Variants in SDK1 observed in about 807,000 individuals in gnomAD.
The protein encoded by SDK1 is protein sidekick-1.
SDK1 carries 157 observed loss-of-function variants against 245.5 expected under a neutral mutation model. The ratio of observed to expected loss-of-function variants is 0.64; its 90% CI spans 0.56 to 0.73. SDK1 has a LOEUF of 0.73. Among genes scored for constraint, SDK1 ranks in the 30% least tolerant of loss-of-function variants. SDK1 has a pLI of 0.00. For synonymous variants in SDK1, 1,647 were observed against 1,278.5 expected (o/e 1.29, Z -6.15); for missense variants, 3,583 against 3,002.3 (o/e 1.19, Z -4.52).
Position 4,131,269 on chromosome 7 carries a change from G to T in SDK1, c.4130-1056G>T, listed in dbSNP as rs140693741. 2.2e-3 allele frequency among the ~76,000 whole-genome samples: 337 copies of T among 152,288 alleles called. 3 individuals are homozygous for T. Among genetic ancestry groups the T allele is most frequent in the African/African-American group, 7.8e-3 (325 of 41,556 alleles). On this transcript the variant is annotated intron_variant, in intron 27 of 44. Transcript: ENST00000404826. ...ATGCCGCTGCTTCCTCTCCCACAGCGCTCCTGTAGACATGCCTTCCTCCTC... is the reference window on the plus strand; with the variant it reads ...ATGCCGCTGCTTCCTCTCCCACAGCTCTCCTGTAGACATGCCTTCCTCCTC...
At chr7:3,491,325 C>T (rs1583941535) in intron 1 of SDK1, among the ~76,000 whole-genome samples, 1 of 152,166 alleles carries the variant, frequency 6.6e-6, no homozygotes, top group African/African-American at 2.4e-5. Context: ...TCTTCTCCAA[C>T]CATTTACATC....
chr7:4,071,421 C>T (rs1192028178), intron 20 of SDK1, among the ~76,000 whole-genome samples: 1 of 152,144 alleles, frequency 6.6e-6, no homozygotes, highest in Non-Finnish European at 1.5e-5. Context: ...GTGAAAACTC[C>T]AGGAATGGGG....
chr7:3,768,167 C>T (rs1230793145), intron 4 of SDK1, among the ~76,000 whole-genome samples: 1 of 152,192 alleles, frequency 6.6e-6, no homozygotes, highest in Non-Finnish European at 1.5e-5. Flanking sequence ...AACCAGCTTT[C>T]TAATTGCATT....
chr7:3,316,338 G>A (rs887660784), intron 1 of SDK1, among the ~76,000 whole-genome samples: 1 of 152,110 alleles, frequency 6.6e-6, no homozygotes, highest in Non-Finnish European at 1.5e-5. Context: ...GTTGGCTCCT[G>A]TGTTCAGTAC....
At chr7:4,035,826 C>A (rs543465713) in intron 17 of SDK1, among the ~76,000 whole-genome samples, 1 of 152,194 alleles carries the variant, frequency 6.6e-6, no homozygotes, top group East Asian at 1.9e-4. Flanking sequence ...ATCAACATGG[C>A]CTTGTCAAAA....
intron 1 of SDK1, among the ~76,000 whole-genome samples, chr7:3,322,548 A>G (rs1779843559): frequency 6.6e-6 from 1 of 152,182 alleles, no homozygotes; most frequent in South Asian, 2.1e-4. Context: ...TCAAGGAACC[A>G]CCAAACTCTC....
intron 5 of SDK1, among the ~76,000 whole-genome samples, chr7:3,949,121 G>A (rs1158489541): frequency 1.3e-5 from 2 of 152,164 alleles, no homozygotes; most frequent in Non-Finnish European, 2.9e-5. Context: ...CAAAGCGAAG[G>A]CGTCAGCAGG....
At chr7:3,349,874 T>A (rs1780611508) in intron 1 of SDK1, among the ~76,000 whole-genome samples, 1 of 152,150 alleles carries the variant, frequency 6.6e-6, no homozygotes, top group African/African-American at 2.4e-5. Flanking sequence ...AGTGCTGGGA[T>A]TACAGGCATG....
intron 5 of SDK1, among the ~76,000 whole-genome samples, chr7:3,936,377 C>T (rs1057018308): frequency 4.2e-4 from 63 of 151,790 alleles, no homozygotes; most frequent in African/African-American, 1.4e-3. Context: ...GTCAGGAGAT[C>T]GAGAACATCC....
intron 1 of SDK1, among the ~76,000 whole-genome samples, chr7:3,398,424 T>G (rs974490692): frequency 6.6e-6 from 1 of 152,000 alleles, no homozygotes; most frequent in Non-Finnish European, 1.5e-5. Flanking sequence ...AGCATTTTTT[T>G]TTCTCCTCTT....
At chr7:3,503,536 G>T (rs147304427) in intron 1 of SDK1, among the ~76,000 whole-genome samples, 11 of 152,248 alleles carry the variant, frequency 7.2e-5, no homozygotes, top group African/African-American at 2.6e-4. Context: ...AAATTAGCCA[G>T]TTGTGATGGT....
intron 22 of SDK1, among the ~76,000 whole-genome samples, chr7:4,090,439 A>G (rs984020330): frequency 6.6e-6 from 1 of 152,184 alleles, no homozygotes; most frequent in Non-Finnish European, 1.5e-5. Flanking sequence ...ATTAATTATC[A>G]TCAGTGTGGA....
At position 4,113,395 on chromosome 7, in the gene SDK1, A is replaced by G. The variant is rs1393130797; in HGVS notation, c.3541A>G (p.Thr1181Ala). 1 of 1,613,988 alleles carries G rather than the reference A, an allele frequency of 6.2e-7. No individual in the cohort carries two copies. Among genetic ancestry groups the G allele is most frequent in the East Asian group, 2.2e-5 (1 of 44,884 alleles). Reference sequence around the variant, plus strand: ...ACCCGACGTGGCTCCAACCAGCGTCACGGTCCGTACTGCCAGTGAGACCAG... The same window carrying G: ...ACCCGACGTGGCTCCAACCAGCGTCGCGGTCCGTACTGCCAGTGAGACCAG... ...APPDVAPTSVTVRTASETSLR... is the reference protein window; with the variant it reads ...APPDVAPTSVAVRTASETSLR... Residue 1181 changes from threonine to alanine, a missense_variant, in exon 24 of 45, where the codon ACG becomes GCG. Thr to Ala is a moderately conservative substitution (Grantham distance 58, BLOSUM62 0). Transcript: ENST00000404826.
At chr7:4,215,952 C>A (rs1025413738) in intron 38 of SDK1, among the ~76,000 whole-genome samples, 3 of 152,168 alleles carry the variant, frequency 2.0e-5, no homozygotes, top group Non-Finnish European at 4.4e-5. Context: ...TGCCCAGCCT[C>A]ACACAGGGAG....
chr7:4,004,504 GACAATT>G (rs1785312844), intron 14 of SDK1, among the ~76,000 whole-genome samples: 1 of 152,026 alleles, frequency 6.6e-6, no homozygotes, highest in Non-Finnish European at 1.5e-5. Flanking sequence ...CCCACCAATA[GACAATT>G]ACAACAGTTA....
rs1020652566 is a variant in SDK1, at chr7:4,127,392, G to A, written c.3835G>A (p.Ala1279Thr). 3.7e-6 allele frequency: 6 copies of A among 1,613,828 alleles called. No homozygotes were observed. The highest frequency in any genetic ancestry group is 4.2e-6 in the Non-Finnish European group (5 of 1,179,744). ...GRTRESVPSAAPENVSAEAVS... is the reference protein window; with the variant it reads ...GRTRESVPSATPENVSAEAVS... ...TTGGTTCTTTGCAGTTCCTTCAGCC[G>A]CCCCTGAGAACGTGTCAGCCGAGGC... The change falls in exon 26 of 45, where the codon GCC becomes ACC. Residue 1279 changes from alanine to threonine, a missense_variant. Transcript: ENST00000404826.
chr7:3,533,279 C>T (rs749033721), intron 1 of SDK1, among the ~76,000 whole-genome samples: 5 of 152,026 alleles, frequency 3.3e-5, no homozygotes, highest in African/African-American at 9.7e-5. Flanking sequence ...ACAGTACTGA[C>T]AAGGCTGAAG....
chr7:4,051,766 G>A lies in SDK1; in HGVS notation c.2847G>A (p.Leu949=), dbSNP rs1175434422. The A allele has an allele frequency of 3.7e-6, 6 of 1,613,932 alleles. No homozygotes were observed. Among genetic ancestry groups the A allele is most frequent in the Non-Finnish European group, 5.1e-6 (6 of 1,179,932 alleles). The stretch of plus-strand genomic sequence containing the variant: ...TTACCGCCTACTTCACTTCCGTTCT[G>A]TGCTTCACCACCCCTGGGGACGGGC... The part of the protein sequence containing the change: ...KKFTAYFTSV[L]CFTTPGDGPP... The change falls in exon 19 of 45, where the codon CTG becomes CTA. Residue 949 remains leucine, a synonymous_variant. Coordinates refer to ENST00000404826, the MANE Select transcript of SDK1 (RefSeq NM_152744.4).
intron 1 of SDK1, among the ~76,000 whole-genome samples, chr7:3,407,355 A>G (rs1779082136): frequency 6.6e-6 from 1 of 152,192 alleles, no homozygotes; most frequent in South Asian, 2.1e-4. Flanking sequence ...GCATGATGCT[A>G]GCCTTCATGG....
Sources: allele counts gnomAD v4.1 joint callset (sites outside exome capture counted in the v4.1 genomes callset), GRCh38; gene constraint gnomAD v4.1.1; transcripts MANE v1.5; gene names NCBI Gene and HGNC (gene_info 2026-07-23, HGNC 2026-07-21).